The following LIN52 variants were observed in gnomAD, a reference collection of about 807,000 sequenced individuals.
The protein encoded by LIN52 is lin-52 DREAM MuvB core complex component.
In LIN52, 4 loss-of-function variants were observed where a neutral mutation model predicts 18.5. The observed-to-expected ratio is 0.22, with a 90% CI of 0.11 to 0.49. The LOEUF (loss-of-function observed/expected upper bound fraction) is 0.49, where lower values mean the gene tolerates loss of function less well. Ranked by LOEUF, LIN52 falls within the 20% of genes least tolerant of loss-of-function variation. The probability of loss-of-function intolerance (pLI) is 0.97; values close to 1 mark genes in which losing one functional copy is unlikely to be tolerated. For missense variants in LIN52, 102 were observed against 139.5 expected, an observed-to-expected ratio of 0.73 and a Z score of 1.35; for synonymous variants, 34 against 45.5, an observed-to-expected ratio of 0.75 and a Z score of 1.02.
At chr14:74,124,863 A>G (rs536088081) in intron 5 of LIN52, among the ~76,000 whole-genome samples, 127 of 151,054 alleles carry the variant, frequency 8.4e-4, no homozygotes, top group African/African-American at 2.7e-3. Flanking sequence ...AGAAGTGACC[A>G]TGGGTTTAGA....
intron 4 of LIN52, 28 bp downstream of exon 4, chr14:74,097,888 C>G: frequency 6.5e-7 from 1 of 1,544,008 alleles, no homozygotes; most frequent in Non-Finnish European, 8.9e-7. Context: ...CCACTTTTAA[C>G]TGGATATTTA....
At position 74,129,825 on chromosome 14, in the gene LIN52, G is replaced by A. The variant is rs928550675; in HGVS notation, c.283+28587G>A. On this transcript the variant is annotated intron_variant, in intron 5 of 5. Transcript: ENST00000555028. ...ACCATGTCACTTTACTCCAGCCTGGGGGACAGAGTGAGACCCTATGTATAG... is the reference window on the plus strand; with the variant it reads ...ACCATGTCACTTTACTCCAGCCTGGAGGACAGAGTGAGACCCTATGTATAG... Among the ~76,000 whole-genome samples, 15 of 152,130 alleles carry A rather than the reference G, an allele frequency of 9.9e-5. 1 individual carries two copies. The highest frequency in any genetic ancestry group is 1.9e-4 in the Non-Finnish European group (13 of 68,022).
At chr14:74,179,103 ATATT>A (rs1404355159) in intron 5 of LIN52, among the ~76,000 whole-genome samples, 1 of 152,004 alleles carries the variant, frequency 6.6e-6, no homozygotes, top group African/African-American at 2.4e-5. Flanking sequence ...ATACAGTAAT[ATATT>A]TATAAAGGCT....
At position 74,177,511 on chromosome 14, in the gene LIN52, A is replaced by G. The variant is rs745840653; in HGVS notation, c.284-21411A>G. ...TTTTACTAAACTGATAGGTCACTCA[A>G]CCATTCATTAGTCTCTCCTATGTCT... On this transcript the variant is annotated intron_variant, in intron 5 of 5. Transcript: ENST00000555028. Among the ~76,000 whole-genome samples the G allele has an allele frequency of 1.3e-5, 2 of 152,242 alleles. 1 individual carries two copies. Among genetic ancestry groups the G allele is most frequent in the African/African-American group, 4.8e-5 (2 of 41,462 alleles).
chr14:74,096,704 G>A lies in LIN52; in HGVS notation c.132+719G>A, dbSNP rs141989418. Among the ~76,000 whole-genome samples the A allele has an allele frequency of 3.3e-5, 5 of 152,012 alleles. No individual in the cohort carries two copies. The East Asian group carries it at 9.6e-4, about 29-fold the overall frequency. The stretch of plus-strand genomic sequence containing the variant: ...AGAATCATCAACATGCAGCTATGGA[G>A]CTCTTGAAAAATGCACTGTAACAAA... On this transcript the variant is annotated intron_variant, in intron 3 of 5. Coordinates refer to ENST00000555028, the MANE Select transcript of LIN52 (RefSeq NM_001024674.3).
chr14:74,183,789 TA>T (rs1330487426), intron 5 of LIN52, among the ~76,000 whole-genome samples: 1 of 152,186 alleles, frequency 6.6e-6, no homozygotes, highest in Non-Finnish European at 1.5e-5. Flanking sequence ...ATTTCATTCA[TA>T]AATACGTTCA....
At chr14:74,175,739 CA>C (rs2061290663) in intron 5 of LIN52, among the ~76,000 whole-genome samples, 3 of 142,500 alleles carry the variant, frequency 2.1e-5, no homozygotes, top group Non-Finnish European at 4.5e-5. Context: ...CACACACACA[CA>C]CACACACACA....
At chr14:74,131,849 C>T (rs1393128182) in intron 5 of LIN52, among the ~76,000 whole-genome samples, 1 of 152,098 alleles carries the variant, frequency 6.6e-6, no homozygotes, top group African/African-American at 2.4e-5. Context: ...TTTCCCAGGG[C>T]CAACTAGTAA....
At chr14:74,184,742 C>T (rs2061333847) in intron 5 of LIN52, among the ~76,000 whole-genome samples, 1 of 152,116 alleles carries the variant, frequency 6.6e-6, no homozygotes, top group Admixed American at 6.5e-5. Context: ...TTTCATCTGT[C>T]AATTTTCAGA....
chr14:74,117,470 T>A (rs1374775266), intron 5 of LIN52, among the ~76,000 whole-genome samples: 3 of 142,664 alleles, frequency 2.1e-5, no homozygotes, highest in African/African-American at 8.8e-5. Context: ...TGGACCTGGA[T>A]TTCTTTTTTT....
chr14:74,183,903 A>G lies in LIN52; in HGVS notation c.284-15019A>G, dbSNP rs1324335013. On this transcript the variant is annotated intron_variant, in intron 5 of 5. Transcript: ENST00000555028. The stretch of plus-strand genomic sequence containing the variant: ...ATTATTTAATAACATCTAATAGTCC[A>G]TGTCCAGTTCGGCTCAAAATTGTTT... Among the ~76,000 whole-genome samples the G allele has an allele frequency of 1.4e-4, 21 of 152,196 alleles. 1 individual carries two copies. Among genetic ancestry groups the G allele is most frequent in the Admixed American group, 1.4e-3 (21 of 15,266 alleles).
intron 5 of LIN52, among the ~76,000 whole-genome samples, chr14:74,190,160 C>T (rs1345037745): frequency 6.6e-6 from 1 of 152,044 alleles, no homozygotes; most frequent in Non-Finnish European, 1.5e-5. Flanking sequence ...TCAGCAGTCA[C>T]TGGAGGGAAC....
chr14:74,131,437 G>A (rs2061066665), intron 5 of LIN52, among the ~76,000 whole-genome samples: 1 of 151,542 alleles, frequency 6.6e-6, no homozygotes, highest in Admixed American at 6.6e-5. Context: ...TCCTGCCTCA[G>A]CCTCCCGAGT....
At chr14:74,112,408 C>T (rs902734227) in intron 5 of LIN52, among the ~76,000 whole-genome samples, 2 of 151,884 alleles carry the variant, frequency 1.3e-5, no homozygotes, top group African/African-American at 2.4e-5. Flanking sequence ...CCGGTTCAAG[C>T]GATTCTCCCA....
At chr14:74,088,928 G>C (rs948267280) in intron 1 of LIN52, among the ~76,000 whole-genome samples, 1 of 152,212 alleles carries the variant, frequency 6.6e-6, no homozygotes, top group Non-Finnish European at 1.5e-5. Context: ...GAATTAGGTA[G>C]AGGCTGAGTA....
At chr14:74,157,759 A>T (rs1175819533) in intron 5 of LIN52, among the ~76,000 whole-genome samples, 2 of 152,202 alleles carry the variant, frequency 1.3e-5, no homozygotes, top group East Asian at 3.9e-4. Context: ...GTCCTACAAG[A>T]TAACATTCAA....
rs760843850 is a variant in LIN52, at chr14:74,101,246, C to A, written c.283+8C>A. 1 of 1,596,508 alleles carries A rather than the reference C, an allele frequency of 6.3e-7. No homozygotes were observed. Among genetic ancestry groups the A allele is most frequent in the East Asian group, 2.2e-5 (1 of 44,484 alleles). ...AGCTGGGGCTGGATGAGTGTGAGTACCCCGATCGCATTTGTTCAGGGGTGT... is the reference window on the plus strand; with the variant it reads ...AGCTGGGGCTGGATGAGTGTGAGTAACCCGATCGCATTTGTTCAGGGGTGT... On this transcript the variant is annotated splice_region_variant and intron_variant, in intron 5 of 5. Transcript: ENST00000555028.
chr14:74,098,082 G>T (rs1415479549), intron 4 of LIN52, among the ~76,000 whole-genome samples: 1 of 152,068 alleles, frequency 6.6e-6, no homozygotes, highest in Non-Finnish European at 1.5e-5. Flanking sequence ...TCTGCTGCTG[G>T]TGCTAAATTC....
chr14:74,115,855 C>T (rs1310781389), intron 5 of LIN52, among the ~76,000 whole-genome samples: 1 of 152,172 alleles, frequency 6.6e-6, no homozygotes, highest in Non-Finnish European at 1.5e-5. Flanking sequence ...TGGCTTTACA[C>T]ACAAAGAGGA....
Sources: gnomAD v4.1 joint callset for allele counts (sites outside exome capture counted in the v4.1 genomes callset) on GRCh38, gnomAD v4.1.1 for gene constraint, MANE v1.5 for transcripts, NCBI Gene and HGNC (gene_info 2026-07-23, HGNC 2026-07-21) for gene names.